NUAK1: variants seen among roughly 807,000 people sequenced by gnomAD.
NUAK1 encodes NUAK family kinase 1.
NUAK1 carries 26 observed loss-of-function variants against 56.9 expected under a neutral mutation model. That is an observed-to-expected ratio of 0.46 (90% CI 0.33 to 0.63). The LOEUF (loss-of-function observed/expected upper bound fraction) is 0.63, where lower values mean the gene tolerates loss of function less well. Among genes scored for constraint, NUAK1 ranks in the 30% least tolerant of loss-of-function variants. The pLI is 0.02. For missense variants in NUAK1, 727 were observed against 876.1 expected (o/e 0.83, Z 2.15); for synonymous variants, 337 against 336.0 (o/e 1.00, Z -0.03).
At chr12:106,105,908 T>C (rs2032795123) in intron 2 of NUAK1, 1 of 152,368 alleles carries the variant, frequency 6.6e-6, no homozygotes, top group African/African-American at 2.4e-5. Flanking sequence ...CCAACACAAT[T>C]TGGGCTCCAT....
chr12:106,089,027 C>A (rs1365735058), intron 2 of NUAK1, among the ~76,000 whole-genome samples: 1 of 152,242 alleles, frequency 6.6e-6, no homozygotes, highest in African/African-American at 2.4e-5. Context: ...GTGTACCCTG[C>A]AGCTTTGGCT....
At chr12:106,112,627 C>CG (rs931987721) in intron 1 of NUAK1, among the ~76,000 whole-genome samples, 2 of 152,204 alleles carry the variant, frequency 1.3e-5, no homozygotes, top group South Asian at 4.1e-4. Context: ...TGTGATGCAA[C>CG]GGGCCCCATG....
intron 1 of NUAK1, among the ~76,000 whole-genome samples, chr12:106,137,064 T>G (rs2033136686): frequency 6.6e-6 from 1 of 152,218 alleles, no homozygotes; most frequent in African/African-American, 2.4e-5. Context: ...ATAACAGATT[T>G]TTTTTTAAAA....
intron 4 of NUAK1, among the ~76,000 whole-genome samples, chr12:106,073,046 C>T (rs1234357715): frequency 6.6e-6 from 1 of 152,178 alleles, no homozygotes; most frequent in Non-Finnish European, 1.5e-5. Context: ...AGCTGCAGTC[C>T]TTGGCATCCA....
chr12:106,072,768 C>A lies in NUAK1; in HGVS notation c.655G>T (p.Ala219Ser). The A allele has an allele frequency of 6.2e-7, 1 of 1,614,014 alleles. No individual in the cohort carries two copies. Among genetic ancestry groups the A allele is most frequent in the Non-Finnish European group, 8.5e-7 (1 of 1,179,976 alleles). ...CTCCCATTGACAATCTCAGGAGATG[C>A]ATAGAGTGGACTCCCACAAAACGTT... ...LQTFCGSPLYASPEIVNGRPY... is the reference protein window; with the variant it reads ...LQTFCGSPLYSSPEIVNGRPY... Residue 219 changes from alanine to serine, a missense_variant, in exon 5 of 7, where the codon GCA becomes TCA. Transcript: ENST00000261402.
intron 1 of NUAK1, among the ~76,000 whole-genome samples, chr12:106,112,880 G>T (rs890359697): frequency 6.6e-6 from 1 of 152,138 alleles, no homozygotes; most frequent in African/African-American, 2.4e-5. Context: ...GTTGTAAGAG[G>T]TTCTGAAAAT....
chr12:106,138,829 A>G lies in NUAK1; in HGVS notation c.-176T>C, dbSNP rs2033156789. ...TCACTGGCGGCGGCGGGGACTGCAC[A>G]TCTGGCGCCCGCGGCGCGCACGGTC... On this transcript the variant is annotated 5_prime_UTR_variant, in exon 1 of 7. An upstream start codon of the reference 5' UTR is lost. Coordinates refer to ENST00000261402, the MANE Select transcript of NUAK1 (RefSeq NM_014840.3). This position sits in a 1 kb window ranked among gnomAD's most constrained non-coding sequence, Gnocchi z 5.0. 1 of 812,634 alleles carries G rather than the reference A, an allele frequency of 1.2e-6. No individual in the cohort carries two copies. The highest frequency in any genetic ancestry group is 1.8e-5 in the African/African-American group (1 of 54,754). 50.3% of individuals were successfully genotyped at this position (812,634 alleles called of 1,614,324 possible).
chr12:106,066,464 A>G lies in NUAK1; in HGVS notation c.*338T>C. 4.0e-6 allele frequency: 1 copy of G among 250,274 alleles called. No individual in the cohort carries two copies. The highest frequency in any genetic ancestry group is 7.9e-5 in the East Asian group (1 of 12,670). 15.5% of individuals were successfully genotyped at this position (250,274 alleles called of 1,614,324 possible). On this transcript the variant is annotated 3_prime_UTR_variant, in exon 7 of 7. Coordinates refer to ENST00000261402, the MANE Select transcript of NUAK1 (RefSeq NM_014840.3). Reference sequence around the variant, plus strand: ...CTGCCCCTCCTCCAGAAGCATCTGGATGACTTCTAAGGAAATGCTCCTTCC... The same window carrying G: ...CTGCCCCTCCTCCAGAAGCATCTGGGTGACTTCTAAGGAAATGCTCCTTCC...
Position 106,067,277 on chromosome 12 carries a change from G to C in NUAK1, c.1511C>G (p.Pro504Arg), listed in dbSNP as rs756250055. 4 of 1,614,150 alleles carry C rather than the reference G, an allele frequency of 2.5e-6. No individual in the cohort carries two copies. Among genetic ancestry groups the C allele is most frequent in the South Asian group, 1.1e-5 (1 of 91,084 alleles). ...TACCCTGGCTGGGTCCGGGGGGCTG[G>C]GGGAGGGGATGCTGCTGCCCATCAC... Reference protein sequence around the residue: ...NDVMGSSIPSPSPPDPARVTS... With the variant: ...NDVMGSSIPSRSPPDPARVTS... Residue 504 changes from proline (P) to arginine (R), a missense_variant, in exon 7 of 7, where the codon CCC becomes CGC. Coordinates refer to ENST00000261402, the MANE Select transcript of NUAK1 (RefSeq NM_014840.3). This position sits in a 1 kb window ranked among gnomAD's most constrained non-coding sequence, Gnocchi z 6.0.
chr12:106,136,908 C>A (rs2033134618), intron 1 of NUAK1, among the ~76,000 whole-genome samples: 1 of 152,204 alleles, frequency 6.6e-6, no homozygotes, highest in Non-Finnish European at 1.5e-5. Flanking sequence ...TCAGAGGCCA[C>A]CCTTACAACC....
rs529491498 is a variant in NUAK1 at position 106,138,240 on chromosome 12, C to A, written c.240+174G>T. ...TAACAAGTGTTTCAGGACAGAGACA[C>A]GCCTGAGTCACGGGGTGCTGGAGAA... On this transcript the variant is annotated intron_variant, in intron 1 of 6. Transcript: ENST00000261402. The surrounding 1 kb of genome is among the most constrained non-coding windows in gnomAD (Gnocchi z 5.0). 2.6e-5 allele frequency among the ~76,000 whole-genome samples: 4 copies of A among 152,308 alleles called. No homozygotes were observed. Among genetic ancestry groups the A allele is most frequent in the African/African-American group, 9.6e-5 (4 of 41,574 alleles).
At chr12:106,106,565 A>G in intron 1 of NUAK1, 40 bp from the exon 2 acceptor site, 1 of 1,583,324 alleles carries the variant, frequency 6.3e-7, no homozygotes, top group Non-Finnish European at 8.6e-7. Flanking sequence ...AGAGAGCTAA[A>G]CAGATGCAAA....
At chr12:106,089,865 G>A (rs2032617666) in intron 2 of NUAK1, among the ~76,000 whole-genome samples, 1 of 152,264 alleles carries the variant, frequency 6.6e-6, no homozygotes, top group South Asian at 2.1e-4. Context: ...CATCCTTTCT[G>A]GTTGCCAGAC....
At chr12:106,079,076 T>A (rs1443483610) in intron 4 of NUAK1, among the ~76,000 whole-genome samples, 1 of 152,150 alleles carries the variant, frequency 6.6e-6, no homozygotes, top group African/African-American at 2.4e-5. Context: ...CAAATAGCCA[T>A]AGGTTTGTAG....
chr12:106,095,132 T>C (rs1310338652), intron 2 of NUAK1, among the ~76,000 whole-genome samples: 1 of 152,130 alleles, frequency 6.6e-6, no homozygotes, highest in African/African-American at 2.4e-5. Flanking sequence ...TCAGCTTTTG[T>C]GTCATACACA....
chr12:106,092,825 G>A (rs557416019), intron 2 of NUAK1, among the ~76,000 whole-genome samples: 5 of 152,252 alleles, frequency 3.3e-5, no homozygotes, highest in East Asian at 1.9e-4. Flanking sequence ...GCATGTTCTC[G>A]CCATGACTCT....
intron 2 of NUAK1, among the ~76,000 whole-genome samples, chr12:106,095,216 G>A (rs182501914): frequency 8.5e-5 from 13 of 152,228 alleles, no homozygotes; most frequent in Admixed American, 3.3e-4. Flanking sequence ...AGAAAGCCCC[G>A]GCAATTGATC....
At chr12:106,073,509 T>A (rs1317718094) in intron 4 of NUAK1, among the ~76,000 whole-genome samples, 1 of 152,190 alleles carries the variant, frequency 6.6e-6, no homozygotes, top group Non-Finnish European at 1.5e-5. Context: ...TGGGAATCCA[T>A]GATCCCTTCC....
intron 4 of NUAK1, among the ~76,000 whole-genome samples, chr12:106,077,810 T>G (rs2032479113): frequency 6.6e-6 from 1 of 152,362 alleles, no homozygotes; most frequent in Non-Finnish European, 1.5e-5. Context: ...TTAGCCATTC[T>G]AAGCCTGCAT....
Sources: gnomAD v4.1 joint callset for allele counts (sites outside exome capture counted in the v4.1 genomes callset) on GRCh38, gnomAD v4.1.1 for gene constraint, Gnocchi (gnomAD v3.1) non-coding constraint, MANE v1.5 for transcripts, NCBI Gene and HGNC (gene_info 2026-07-23, HGNC 2026-07-21) for gene names.